ZFX: variants seen among roughly 807,000 people sequenced by gnomAD.
The protein encoded by ZFX is zinc finger X-chromosomal protein.
For synonymous variants in ZFX, 196 were observed against 226.8 expected (o/e 0.86, Z 1.22); for missense variants, 362 against 628.3 (o/e 0.58, Z 4.53).
At chrX:24,167,779 A>T (rs975479262) in intron 3 of ZFX, among the ~76,000 whole-genome samples, 5 of 111,969 alleles carry the variant, frequency 4.5e-5, no homozygotes, top group Non-Finnish European at 7.5e-5. Flanking sequence ...TAGCCTTTTT[A>T]CATCCTGTAA....
At chrX:24,160,768 T>C (rs974535257) in intron 3 of ZFX, among the ~76,000 whole-genome samples, 3 of 111,982 alleles carry the variant, frequency 2.7e-5, no homozygotes, top group Non-Finnish European at 5.6e-5. Context: ...GAATTATTTT[T>C]AACTATAATC....
rs747098514 is a variant in ZFX, at chrX:24,208,977, G to A, written c.1171G>A (p.Gly391Ser). 1 of 1,211,313 alleles carries A rather than the reference G, an allele frequency of 8.3e-7. No individual in the cohort carries two copies. The highest frequency in any genetic ancestry group is 1.8e-5 in the South Asian group (1 of 56,961). ...LLHIDESAGL[G>S]RLAKQKPKKR... ...GCACATAGATGAGTCTGCTGGCCTC[G>A]GCAGACTGGCTAAACAAAAACCAAA... The change falls in exon 9 of 10, where the codon GGC becomes AGC. Residue 391 changes from glycine (G) to serine (S), a missense_variant. Coordinates refer to ENST00000304543, the MANE Select transcript of ZFX (RefSeq NM_003410.4).
At chrX:24,169,000 C>G (rs770462755) in intron 3 of ZFX, among the ~76,000 whole-genome samples, 1 of 111,074 alleles carries the variant, frequency 9.0e-6, no homozygotes, top group Non-Finnish European at 1.9e-5. Flanking sequence ...TTCTTCCACC[C>G]TTCGTTTATC....
chrX:24,179,977 G>A (rs1935529016), intron 5 of ZFX, among the ~76,000 whole-genome samples: 1 of 110,901 alleles, frequency 9.0e-6, no homozygotes. Context: ...CCTGTAGTCC[G>A]GGCACTTTGG....
chrX:24,206,875 T>G (rs1937616321), intron 5 of ZFX, among the ~76,000 whole-genome samples: 1 of 111,134 alleles, frequency 9.0e-6, no homozygotes, highest in Admixed American at 9.6e-5. Context: ...GAAATGTATT[T>G]ATTGAATCTT....
At chrX:24,180,383 CT>C (rs34794604) in intron 5 of ZFX, among the ~76,000 whole-genome samples, 33 of 98,759 alleles carry the variant, frequency 3.3e-4, no homozygotes, top group East Asian at 6.4e-4. Context: ...AAGCTACTTA[CT>C]TTTTTTTTTT....
In ZFX at chrX:24,211,653, G is replaced by T; in HGVS notation, c.*277G>T. On this transcript the variant is annotated 3_prime_UTR_variant, in exon 10 of 10. Transcript: ENST00000304543. ...TTCTATACCGAAGTTTTATATCTTA[G>T]AATTTTATATTTATTTAAATATTTA... The T allele has an allele frequency of 3.6e-6, 1 of 281,050 alleles. No homozygotes were observed. Among genetic ancestry groups the T allele is most frequent in the Non-Finnish European group, 6.2e-6 (1 of 162,136 alleles). 23.2% of individuals were successfully genotyped at this position (281,050 alleles called of 1,213,427 possible).
At chrX:24,158,319 C>T (rs1005826068) in intron 3 of ZFX, among the ~76,000 whole-genome samples, 8 of 109,781 alleles carry the variant, frequency 7.3e-5, no homozygotes, top group East Asian at 2.9e-4. Flanking sequence ...TTTGGGAGGC[C>T]GAGACGGGTG....
rs763932001 is a variant in ZFX at position 24,211,922 on chromosome X, G to A, written c.*546G>A. On this transcript the variant is annotated 3_prime_UTR_variant, in exon 10 of 10. Coordinates refer to ENST00000304543, the MANE Select transcript of ZFX (RefSeq NM_003410.4). Reference sequence around the variant, plus strand: ...CACTTGACAGTGAAAGTTTCCATTTGAGCTGTTGCGTCCCTGGCTTTGCTG... The same window carrying A: ...CACTTGACAGTGAAAGTTTCCATTTAAGCTGTTGCGTCCCTGGCTTTGCTG... 8.8e-6 allele frequency: 1 copy of A among 113,456 alleles called. No individual in the cohort carries two copies. Among genetic ancestry groups the A allele is most frequent in the African/African-American group, 3.2e-5 (1 of 31,064 alleles). 9.4% of individuals were successfully genotyped at this position (113,456 alleles called of 1,213,427 possible). A position where few individuals can be genotyped will look rare whatever the true frequency, so the allele number is the denominator to read the frequency against.
rs2283711 is a variant in ZFX, at chrX:24,181,505, A to G, written c.646+1735A>G. Among the ~76,000 whole-genome samples, 233 of 112,009 alleles carry G rather than the reference A, an allele frequency of 2.1e-3. 3 individuals are homozygous for G. In the East Asian group the frequency reaches 0.044, roughly 21 times the overall value. On this transcript the variant is annotated intron_variant, in intron 5 of 9. Transcript: ENST00000304543. The stretch of plus-strand genomic sequence containing the variant: ...GGTGGCAGGAAGACATTCCAGGCAT[A>G]TAGTATAGTGTATTAAAAAAGAAAA...
chrX:24,178,673 C>T (rs1466667768), intron 4 of ZFX, among the ~76,000 whole-genome samples: 1 of 110,399 alleles, frequency 9.1e-6, no homozygotes, highest in African/African-American at 3.3e-5. Context: ...TGTCCGCCTC[C>T]CTGGTTCAAG....
intron 5 of ZFX, among the ~76,000 whole-genome samples, chrX:24,200,418 G>A (rs1937216634): frequency 8.9e-6 from 1 of 111,854 alleles, no homozygotes; most frequent in African/African-American, 3.3e-5. Flanking sequence ...ATTGTAAAGT[G>A]TCTGATTGTG....
rs1159275296 is a variant in ZFX, at chrX:24,212,022, C to G, written c.*646C>G. The stretch of plus-strand genomic sequence containing the variant: ...TTGGCTTTCTTTGGATTATTTACAT[C>G]TTTTGTCAGCGTAGCAAACTTTTAG... On this transcript the variant is annotated 3_prime_UTR_variant, in exon 10 of 10. Coordinates refer to ENST00000304543, the MANE Select transcript of ZFX (RefSeq NM_003410.4). 2 of 112,547 alleles carry G rather than the reference C, an allele frequency of 1.8e-5. No individual in the cohort carries two copies. Among genetic ancestry groups the G allele is most frequent in the Non-Finnish European group, 3.8e-5 (2 of 53,295 alleles). The allele number at this position is 112,547 out of a possible 1,213,427, so 9.3% of individuals were successfully genotyped here.
chrX:24,160,797 A>C (rs181630083), intron 3 of ZFX, among the ~76,000 whole-genome samples: 69 of 111,954 alleles, frequency 6.2e-4, no homozygotes, highest in African/African-American at 2.1e-3. Context: ...GTGCTATAGA[A>C]CACTAGAACT....
chrX:24,202,786 G>T (rs569899912), intron 5 of ZFX, among the ~76,000 whole-genome samples: 1 of 112,114 alleles, frequency 8.9e-6, no homozygotes, highest in African/African-American at 3.2e-5. Context: ...ATATTAAGCA[G>T]CTGGCTTCAC....
At chrX:24,168,671 CTT>C (rs141296315) in intron 3 of ZFX, among the ~76,000 whole-genome samples, 28,665 of 82,670 alleles carry the variant, frequency 0.35, 3,696 homozygotes, top group South Asian at 0.67. Context: ...TTCTTTCTTT[CTT>C]TTTTTTTTTT....
chrX:24,186,959 C>T (rs1045639132), intron 5 of ZFX, among the ~76,000 whole-genome samples: 2 of 111,822 alleles, frequency 1.8e-5, no homozygotes, highest in East Asian at 2.8e-4. Flanking sequence ...GCTGAAAGTC[C>T]GTGTACATCA....
chrX:24,155,421 A>G (rs1481124911), intron 3 of ZFX, among the ~76,000 whole-genome samples: 1 of 112,019 alleles, frequency 8.9e-6, no homozygotes, highest in Non-Finnish European at 1.9e-5. Flanking sequence ...ATAAATAAAT[A>G]TACTGTGGTT....
intron 4 of ZFX, chrX:24,173,540 C>G (rs1934831196): frequency 1.8e-6 from 2 of 1,105,088 alleles, no homozygotes; most frequent in Non-Finnish European, 2.4e-6. Flanking sequence ...TTTCAGATTA[C>G]CCATGGTTAT....
Sources: allele counts gnomAD v4.1 joint callset (sites outside exome capture counted in the v4.1 genomes callset), GRCh38; gene constraint gnomAD v4.1.1; transcripts MANE v1.5; gene names NCBI Gene and HGNC (gene_info 2026-07-23, HGNC 2026-07-21).